Variants in PHACTR3 observed in about 807,000 individuals in gnomAD.
The protein encoded by PHACTR3 is phosphatase and actin regulator 3.
A neutral mutation model predicts 66.8 loss-of-function variants in PHACTR3; 16 were observed. The observed-to-expected ratio is 0.24, with a 90% CI of 0.16 to 0.36. The LOEUF is 0.36. Among genes scored for constraint, PHACTR3 ranks in the 10% least tolerant of loss-of-function variants. PHACTR3 has a pLI of 1.00. For synonymous variants in PHACTR3, 323 were observed against 292.1 expected (o/e 1.11, Z -1.08); for missense variants, 647 against 719.9 (o/e 0.90, Z 1.16).
At chr20:59,708,328 T>C (rs773572915) in intron 1 of PHACTR3, among the ~76,000 whole-genome samples, 6 of 152,204 alleles carry the variant, frequency 3.9e-5, no homozygotes, top group Non-Finnish European at 8.8e-5. Flanking sequence ...AAAGGGACGC[T>C]GCTTATGGAA....
intron 1 of PHACTR3, among the ~76,000 whole-genome samples, chr20:59,698,875 A>T (rs984908351): frequency 2.0e-5 from 3 of 152,210 alleles, no homozygotes; most frequent in Non-Finnish European, 4.4e-5. Flanking sequence ...TCTCAGTTTG[A>T]TAAGAATTCA....
intron 1 of PHACTR3, among the ~76,000 whole-genome samples, chr20:59,724,863 A>G (rs1260609620): frequency 6.6e-6 from 1 of 152,188 alleles, no homozygotes; most frequent in Admixed American, 6.5e-5. Context: ...CCAGGTAGGT[A>G]TGTGCTCAGG....
At chr20:59,718,278 T>C (rs2038169906) in intron 1 of PHACTR3, among the ~76,000 whole-genome samples, 1 of 152,194 alleles carries the variant, frequency 6.6e-6, no homozygotes, top group South Asian at 2.1e-4. Context: ...GTTCCTCTCC[T>C]GGTTGCTGTG....
intron 8 of PHACTR3, among the ~76,000 whole-genome samples, chr20:59,814,760 C>T (rs1053195238): frequency 3.9e-5 from 6 of 152,172 alleles, no homozygotes; most frequent in Non-Finnish European, 8.8e-5. Context: ...TAAGCCCTAT[C>T]TGTCTCTCGG....
intron 1 of PHACTR3, among the ~76,000 whole-genome samples, chr20:59,635,863 G>C (rs2034884603): frequency 6.6e-6 from 1 of 152,196 alleles, no homozygotes; most frequent in Admixed American, 6.5e-5. Context: ...TCTCTGGGCA[G>C]GTCTCCGGGC....
At position 59,812,482 on chromosome 20, in the gene PHACTR3, C is replaced by T. The variant is rs139236880; in HGVS notation, c.1328+6288C>T. Among the ~76,000 whole-genome samples, 34 of 152,312 alleles carry T rather than the reference C, an allele frequency of 2.2e-4. No individual in the cohort carries two copies. The Middle Eastern group carries it at 0.014, about 61-fold the overall frequency. On this transcript the variant is annotated intron_variant, in intron 8 of 12. Transcript: ENST00000371015. ...CAGCGTGCAGCGAGTTTAGACGCTC[C>T]CTCCTCTAGATGTGCTTTAGGCAAG...
intron 8 of PHACTR3, among the ~76,000 whole-genome samples, chr20:59,825,187 G>A (rs1243707466): frequency 6.6e-6 from 1 of 152,232 alleles, no homozygotes; most frequent in African/African-American, 2.4e-5. Flanking sequence ...CTTGTCCTGG[G>A]TTGGCACACA....
intron 11 of PHACTR3, 119 bp downstream of exon 11, chr20:59,841,654 A>G: frequency 1.9e-6 from 2 of 1,026,618 alleles, no homozygotes; most frequent in Non-Finnish European, 1.3e-6. Flanking sequence ...GGTATACTGC[A>G]GTAAATATTG....
intron 1 of PHACTR3, among the ~76,000 whole-genome samples, chr20:59,583,919 C>T (rs190921529): frequency 1.3e-4 from 20 of 152,340 alleles, no homozygotes; most frequent in African/African-American, 4.1e-4. Flanking sequence ...TCACCAGGGA[C>T]GGTTCACGCG....
chr20:59,630,899 A>T (rs887346192), intron 1 of PHACTR3, among the ~76,000 whole-genome samples: 7 of 152,116 alleles, frequency 4.6e-5, no homozygotes, highest in Non-Finnish European at 7.4e-5. Context: ...TTCGAGGAGG[A>T]AAGTTACACC....
intron 1 of PHACTR3, chr20:59,577,643 C>T (rs1164513673): frequency 1.7e-6 from 2 of 1,199,298 alleles, no homozygotes; most frequent in Non-Finnish European, 2.1e-6. Context: ...GGGGAGGGGA[C>T]GCGGGACGTG....
At chr20:59,578,607 C>T (rs2032781381) in intron 1 of PHACTR3, among the ~76,000 whole-genome samples, 1 of 152,186 alleles carries the variant, frequency 6.6e-6, no homozygotes, top group African/African-American at 2.4e-5. Flanking sequence ...GGGAACGCCA[C>T]TGGCACCCAG....
intron 1 of PHACTR3, among the ~76,000 whole-genome samples, chr20:59,683,567 CT>C (rs1310881855): frequency 2.0e-5 from 3 of 151,508 alleles, no homozygotes; most frequent in Non-Finnish European, 4.4e-5. Flanking sequence ...TATTGCTTGC[CT>C]TTGATAAAAG....
intron 4 of PHACTR3, 141 bp from the exon 5 acceptor site, chr20:59,767,045 G>A: frequency 1.4e-6 from 1 of 718,268 alleles, no homozygotes; most frequent in South Asian, 1.8e-5. Context: ...TGAACTTGCA[G>A]GAAGTCAAGT....
rs145517933 is a variant in PHACTR3 at position 59,610,845 on chromosome 20, G to A, written c.118+5713G>A. Among the ~76,000 whole-genome samples, 565 of 152,360 alleles carry A rather than the reference G, an allele frequency of 3.7e-3. 7 individuals carry two copies. Among genetic ancestry groups the A allele is most frequent in the African/African-American group, 0.013 (549 of 41,588 alleles). ...CAGAATGGATGTGCCAGAGTGACTG[G>A]TGTGGTCTTGAGCTCTCCTGCGGGA... is the stretch of plus-strand genomic sequence containing the variant. On this transcript the variant is annotated intron_variant, in intron 1 of 12. Transcript: ENST00000371015.
intron 7 of PHACTR3, among the ~76,000 whole-genome samples, chr20:59,777,627 G>A (rs2040583543): frequency 6.6e-6 from 1 of 152,196 alleles, no homozygotes. Context: ...CTGGGACACA[G>A]TTGCAGATTC....
At chr20:59,819,142 T>A (rs1445615132) in intron 8 of PHACTR3, among the ~76,000 whole-genome samples, 1 of 152,072 alleles carries the variant, frequency 6.6e-6, no homozygotes, top group African/African-American at 2.4e-5. Context: ...CAGTGGCTCA[T>A]TCCCGCAATC....
intron 7 of PHACTR3, among the ~76,000 whole-genome samples, chr20:59,776,780 CAG>C (rs1555838623): frequency 6.8e-5 from 3 of 44,268 alleles, no homozygotes; most frequent in Non-Finnish European, 2.3e-4. Flanking sequence ...GGTTGAGACA[CAG>C]AGTTTCTGCA....
In PHACTR3 at chr20:59,628,620, G is replaced by A. The variant is rs968331154; in HGVS notation, c.118+23488G>A. 6 of 985,372 alleles carry A rather than the reference G, an allele frequency of 6.1e-6. No individual in the cohort carries two copies. The African/African-American group carries it at 7.0e-5, about 11-fold the overall frequency. 61.0% of individuals were successfully genotyped at this position (985,372 alleles called of 1,614,324 possible). ...TTGACAAAATTCACAAAAACACAAAGAAACAAAAAGTACGGGAGAGGATCA... is the reference window on the plus strand; with the variant it reads ...TTGACAAAATTCACAAAAACACAAAAAAACAAAAAGTACGGGAGAGGATCA... On this transcript the variant is annotated intron_variant, in intron 1 of 12. Coordinates refer to ENST00000371015, the MANE Select transcript of PHACTR3 (RefSeq NM_080672.5).
Sources: gnomAD v4.1 joint callset for allele counts (sites outside exome capture counted in the v4.1 genomes callset) on GRCh38, gnomAD v4.1.1 for gene constraint, MANE v1.5 for transcripts, NCBI Gene and HGNC (gene_info 2026-07-23, HGNC 2026-07-21) for gene names.